Variants in ARHGAP26 observed in about 807,000 individuals in gnomAD.
ARHGAP26 encodes the protein Rho GTPase activating protein 26.
Under a neutral mutation model 104.8 loss-of-function variants are expected in ARHGAP26, and 38 were observed. The observed-to-expected ratio is 0.36, with a 90% CI of 0.28 to 0.48. The LOEUF (loss-of-function observed/expected upper bound fraction) is 0.48, where lower values mean the gene tolerates loss of function less well. ARHGAP26 is among the 20% of genes least tolerant of loss of function. The pLI, the probability that ARHGAP26 is intolerant of heterozygous loss-of-function variation, is 0.99. For missense variants in ARHGAP26, 704 were observed against 947.9 expected (o/e 0.74, Z 3.38); for synonymous variants, 341 against 340.0 (o/e 1.00, Z -0.03).
chr5:143,041,991 C>T (rs1156291249), intron 14 of ARHGAP26, 101 bp downstream of exon 14: 24 of 998,052 alleles, frequency 2.4e-5, no homozygotes, highest in African/African-American at 4.8e-5. Context: ...GCAAAGGAAT[C>T]GGGGTGTCCG....
chr5:142,968,649 C>G (rs1771774012), intron 11 of ARHGAP26, among the ~76,000 whole-genome samples: 1 of 152,148 alleles, frequency 6.6e-6, no homozygotes, highest in Non-Finnish European at 1.5e-5. Context: ...ATACATATAT[C>G]TTTACATACA....
At chr5:143,132,081 G>A (rs538165312) in intron 18 of ARHGAP26, among the ~76,000 whole-genome samples, 51 of 152,096 alleles carry the variant, frequency 3.4e-4, no homozygotes, top group Non-Finnish European at 6.3e-4. Context: ...ACTCAGCTAC[G>A]TGTAGTGATT....
At chr5:143,011,978 TAGTC>T (rs1778817042) in intron 11 of ARHGAP26, among the ~76,000 whole-genome samples, 1 of 152,222 alleles carries the variant, frequency 6.6e-6, no homozygotes, top group Admixed American at 6.5e-5. Context: ...CTGGCTGAGT[TAGTC>T]AGAAAAACCT....
At chr5:142,896,325 G>T (rs1228482142) in intron 6 of ARHGAP26, among the ~76,000 whole-genome samples, 1 of 151,934 alleles carries the variant, frequency 6.6e-6, no homozygotes, top group Non-Finnish European at 1.5e-5. Context: ...CTTTTGATGA[G>T]TTTTTTTTGT....
intron 10 of ARHGAP26, chr5:142,919,313 G>A: frequency 5.0e-6 from 2 of 398,630 alleles, no homozygotes; most frequent in Admixed American, 4.4e-5. Flanking sequence ...AACACCAAAG[G>A]TTGGCAGCAG....
intron 17 of ARHGAP26, among the ~76,000 whole-genome samples, chr5:143,066,266 G>A (rs112618936): frequency 0.027 from 4,098 of 152,244 alleles, 177 homozygotes; most frequent in African/African-American, 0.092. Flanking sequence ...CAGCAGGCTC[G>A]ACCATCTATC....
chr5:143,022,978 C>G (rs1294569463), intron 12 of ARHGAP26, among the ~76,000 whole-genome samples: 2 of 152,190 alleles, frequency 1.3e-5, no homozygotes, highest in Admixed American at 1.3e-4. Context: ...AGGGGCCATC[C>G]CATATTCCTT....
intron 1 of ARHGAP26, among the ~76,000 whole-genome samples, chr5:142,867,465 G>C (rs1417051950): frequency 6.6e-6 from 1 of 152,100 alleles, no homozygotes; most frequent in Non-Finnish European, 1.5e-5. Flanking sequence ...GGGGAAATGG[G>C]GAGTCGTTGG....
intron 18 of ARHGAP26, among the ~76,000 whole-genome samples, chr5:143,132,187 C>T (rs182291115): frequency 1.1e-4 from 16 of 152,226 alleles, no homozygotes; most frequent in African/African-American, 3.9e-4. Flanking sequence ...ATTTAACCAG[C>T]TGGCTGGCAT....
At chr5:143,046,344 T>C (rs1203374370) in intron 14 of ARHGAP26, among the ~76,000 whole-genome samples, 1 of 152,230 alleles carries the variant, frequency 6.6e-6, no homozygotes, top group East Asian at 1.9e-4. Flanking sequence ...AGAGACTTTT[T>C]TTGAATTACT....
At chr5:142,975,039 C>A (rs773166918) in intron 11 of ARHGAP26, among the ~76,000 whole-genome samples, 71 of 152,198 alleles carry the variant, frequency 4.7e-4, no homozygotes, top group Non-Finnish European at 5.7e-4. Context: ...CGTGGTACAT[C>A]CAACTTCAAT....
chr5:142,796,597 T>C (rs544673955), intron 1 of ARHGAP26, among the ~76,000 whole-genome samples: 2 of 152,336 alleles, frequency 1.3e-5, no homozygotes, highest in South Asian at 4.1e-4. Context: ...AGTATTACAG[T>C]GTAGTTGCTT....
intron 1 of ARHGAP26, among the ~76,000 whole-genome samples, chr5:142,813,746 C>G (rs1423252090): frequency 6.6e-6 from 1 of 152,208 alleles, no homozygotes; most frequent in Non-Finnish European, 1.5e-5. Flanking sequence ...ACCTCATTTG[C>G]CTTAATTACC....
At chr5:142,806,032 T>C (rs1422701727) in intron 1 of ARHGAP26, among the ~76,000 whole-genome samples, 3 of 152,256 alleles carry the variant, frequency 2.0e-5, no homozygotes, top group Non-Finnish European at 4.4e-5. Context: ...ATTTATATAA[T>C]GCAAAGGTGT....
chr5:143,184,116 AT>A (rs1258669372), intron 20 of ARHGAP26, among the ~76,000 whole-genome samples: 1 of 152,188 alleles, frequency 6.6e-6, no homozygotes, highest in Non-Finnish European at 1.5e-5. Context: ...CAGTCTGAAT[AT>A]TACATTATCT....
intron 1 of ARHGAP26, chr5:142,771,269 G>A (rs1258976454): frequency 8.0e-7 from 1 of 1,247,970 alleles, no homozygotes; most frequent in East Asian, 3.1e-5. Context: ...ATCCCATCGT[G>A]TCCACAGCTC....
At chr5:143,134,170 AG>A in intron 19 of ARHGAP26, 65 bp downstream of exon 19, 1 of 1,490,926 alleles carries the variant, frequency 6.7e-7, no homozygotes, top group Non-Finnish European at 9.0e-7. Flanking sequence ...TGCACGGCTC[AG>A]GGTGGACACT....
At chr5:143,196,530 T>A (rs1167803749) in intron 20 of ARHGAP26, among the ~76,000 whole-genome samples, 5 of 152,176 alleles carry the variant, frequency 3.3e-5, no homozygotes, top group Non-Finnish European at 7.3e-5. Flanking sequence ...TCATTTAATA[T>A]TATTGTTGAT....
In ARHGAP26 at chr5:143,095,345, G is replaced by A. The variant is rs1598989189; in HGVS notation, c.1539-25643G>A. Among the ~76,000 whole-genome samples the A allele has an allele frequency of 3.3e-5, 5 of 152,102 alleles. No individual in the cohort carries two copies. In the East Asian group the frequency reaches 9.6e-4, roughly 29 times the overall value. On this transcript the variant is annotated intron_variant, in intron 17 of 22. Transcript: ENST00000645722. ...TTTCATCACTCCCAAATGAAACCCT[G>A]TTCAAGATACTATATTCTTAACTCA...
Sources: gnomAD v4.1 joint callset for allele counts (sites outside exome capture counted in the v4.1 genomes callset) on GRCh38, gnomAD v4.1.1 for gene constraint, MANE v1.5 for transcripts, NCBI Gene and HGNC (gene_info 2026-07-23, HGNC 2026-07-21) for gene names.